DYNC1I1: variants seen among roughly 807,000 people sequenced by gnomAD.
DYNC1I1 encodes the protein cytoplasmic dynein 1 intermediate chain 1.
A neutral mutation model predicts 86.6 loss-of-function variants in DYNC1I1; 43 were observed. The observed-to-expected ratio is 0.50, with a 90% CI of 0.39 to 0.64. DYNC1I1 has a LOEUF of 0.64. DYNC1I1 is among the 30% of genes least tolerant of loss of function. The pLI is 0.00. For synonymous variants in DYNC1I1, 262 were observed against 283.7 expected, an observed-to-expected ratio of 0.92 and a Z score of 0.77; for missense variants, 604 against 788.8, an observed-to-expected ratio of 0.77 and a Z score of 2.81.
intron 6 of DYNC1I1, among the ~76,000 whole-genome samples, chr7:95,896,789 C>T (rs909815771): frequency 2.6e-5 from 4 of 152,140 alleles, no homozygotes; most frequent in Non-Finnish European, 5.9e-5. Flanking sequence ...AATGTCAATC[C>T]GTGATCTTTC....
At chr7:96,080,938 C>T (rs1479594798) in intron 16 of DYNC1I1, among the ~76,000 whole-genome samples, 1 of 151,808 alleles carries the variant, frequency 6.6e-6, no homozygotes, top group Non-Finnish European at 1.5e-5. Flanking sequence ...GGCATGGTGG[C>T]AGGCACCTGT....
intron 6 of DYNC1I1, among the ~76,000 whole-genome samples, chr7:95,958,112 C>A (rs764592443): frequency 1.3e-5 from 2 of 152,168 alleles, no homozygotes; most frequent in Non-Finnish European, 2.9e-5. Context: ...CCAGTAGCAA[C>A]CACCTACAGA....
intron 14 of DYNC1I1, among the ~76,000 whole-genome samples, chr7:96,071,293 T>C (rs960875681): frequency 6.6e-6 from 1 of 152,216 alleles, no homozygotes; most frequent in African/African-American, 2.4e-5. Flanking sequence ...TTTTTTTCCA[T>C]TCTATCCTTA....
chr7:96,036,667 A>G (rs1218265486), intron 13 of DYNC1I1, among the ~76,000 whole-genome samples: 5 of 152,212 alleles, frequency 3.3e-5, no homozygotes, highest in Non-Finnish European at 7.3e-5. Flanking sequence ...GAAATGATAT[A>G]TAATGTAATC....
At chr7:95,962,115 G>A (rs1040457321) in intron 6 of DYNC1I1, among the ~76,000 whole-genome samples, 28 of 152,302 alleles carry the variant, frequency 1.8e-4, no homozygotes, top group Admixed American at 1.1e-3. Context: ...AGAGAGAAGC[G>A]TGATGGGAGA....
intron 6 of DYNC1I1, among the ~76,000 whole-genome samples, chr7:95,962,335 G>C (rs770559949): frequency 7.2e-5 from 11 of 152,236 alleles, no homozygotes; most frequent in Non-Finnish European, 1.6e-4. Flanking sequence ...TTCATATTTT[G>C]TTGTTTGAAC....
intron 6 of DYNC1I1, among the ~76,000 whole-genome samples, chr7:95,883,075 A>G (rs1304450275): frequency 6.6e-6 from 1 of 152,196 alleles, no homozygotes; most frequent in Admixed American, 6.5e-5. Context: ...TTACTTGATC[A>G]ATTAGTTATG....
At chr7:95,833,511 T>G (rs1288771386) in intron 5 of DYNC1I1, among the ~76,000 whole-genome samples, 9 of 134,842 alleles carry the variant, frequency 6.7e-5, no homozygotes, top group Non-Finnish European at 1.1e-4. Flanking sequence ...GTGAAGAAAG[T>G]CATTGGTAGC....
At chr7:96,069,458 A>G (rs138704930) in intron 14 of DYNC1I1, among the ~76,000 whole-genome samples, 4 of 152,340 alleles carry the variant, frequency 2.6e-5, no homozygotes, top group Admixed American at 2.0e-4. Flanking sequence ...AGAAGCCAGA[A>G]TGTCAGTGGA....
At chr7:95,818,518 TC>T in intron 4 of DYNC1I1, 1 of 672,062 alleles carries the variant, frequency 1.5e-6, no homozygotes, top group Non-Finnish European at 2.7e-6. Context: ...ATTGCTATAT[TC>T]CCCAGGCTGG....
At chr7:96,078,530 T>G (rs997909932) in intron 15 of DYNC1I1, among the ~76,000 whole-genome samples, 9 of 152,190 alleles carry the variant, frequency 5.9e-5, no homozygotes, top group African/African-American at 2.2e-4. Flanking sequence ...AAACTATTTT[T>G]AAATGTTTAA....
At chr7:96,034,338 C>T (rs574257965) in intron 12 of DYNC1I1, among the ~76,000 whole-genome samples, 10 of 152,206 alleles carry the variant, frequency 6.6e-5, no homozygotes, top group African/African-American at 2.2e-4. Context: ...AGCAAGCCCA[C>T]TATTTAGGAA....
At chr7:96,004,646 G>GCACA (rs34562315) in intron 10 of DYNC1I1, among the ~76,000 whole-genome samples, 1,910 of 146,220 alleles carry the variant, frequency 0.013, 20 homozygotes, top group African/African-American at 0.028. Context: ...ATAAATGCAT[G>GCACA]CACACACACA....
intron 11 of DYNC1I1, among the ~76,000 whole-genome samples, chr7:96,031,999 C>T (rs1397226265): frequency 6.6e-6 from 1 of 152,020 alleles, no homozygotes; most frequent in Non-Finnish European, 1.5e-5. Flanking sequence ...TTCTCAATGC[C>T]CTGGCCAAAT....
chr7:95,986,283 C>T (rs1793592465), intron 8 of DYNC1I1, among the ~76,000 whole-genome samples: 1 of 152,102 alleles, frequency 6.6e-6, no homozygotes. Context: ...AAAGCCCAAG[C>T]AACTTAGGCA....
intron 6 of DYNC1I1, among the ~76,000 whole-genome samples, chr7:95,889,560 CA>C: frequency 6.6e-6 from 1 of 152,088 alleles, no homozygotes; most frequent in East Asian, 1.9e-4. Context: ...ATTTTCATAC[CA>C]AAAACAATTG....
At chr7:96,054,627 C>G (rs1173391345) in intron 14 of DYNC1I1, among the ~76,000 whole-genome samples, 3 of 152,182 alleles carry the variant, frequency 2.0e-5, no homozygotes, top group African/African-American at 7.2e-5. Flanking sequence ...TCTTATTTCT[C>G]CACTTCCTCT....
rs577570550 is a variant in DYNC1I1, at chr7:95,928,268, T to A, written c.491-49244T>A. Among the ~76,000 whole-genome samples the A allele has an allele frequency of 5.3e-5, 8 of 152,358 alleles. No individual in the cohort carries two copies. The East Asian group carries it at 1.5e-3, about 29-fold the overall frequency. On this transcript the variant is annotated intron_variant, in intron 6 of 16. Transcript: ENST00000447467. The stretch of plus-strand genomic sequence containing the variant: ...CTGCAAAAGGAGGCCAAGTCCTCAT[T>A]TCTGGTGTCCAGATAACCTCCTCCA...
chr7:96,008,722 C>T (rs1794200971), intron 10 of DYNC1I1, among the ~76,000 whole-genome samples: 1 of 152,154 alleles, frequency 6.6e-6, no homozygotes, highest in South Asian at 2.1e-4. Flanking sequence ...TCTGATTTCT[C>T]ATCAACAGAA....
Sources: gnomAD v4.1 joint callset for allele counts (sites outside exome capture counted in the v4.1 genomes callset) on GRCh38, gnomAD v4.1.1 for gene constraint, MANE v1.5 for transcripts, NCBI Gene and HGNC (gene_info 2026-07-23, HGNC 2026-07-21) for gene names.